CDYL2: variants seen among roughly 807,000 people sequenced by gnomAD.
CDYL2 encodes the protein chromodomain Y-like protein 2.
CDYL2 carries 23 observed loss-of-function variants against 49.4 expected under a neutral mutation model. The observed-to-expected ratio is 0.47, with a 90% confidence interval of 0.34 to 0.66. CDYL2 has a LOEUF of 0.66. Among genes scored for constraint, CDYL2 ranks in the 30% least tolerant of loss-of-function variants. The probability of loss-of-function intolerance (pLI) is 0.01; values close to 1 mark genes in which losing one functional copy is unlikely to be tolerated. For synonymous variants in CDYL2, 360 were observed against 268.8 expected, an observed-to-expected ratio of 1.34 and a Z score of -3.32; for missense variants, 678 against 656.4, an observed-to-expected ratio of 1.03 and a Z score of -0.36.
intron 1 of CDYL2, among the ~76,000 whole-genome samples, chr16:80,752,687 G>C (rs1388521709): frequency 1.3e-5 from 2 of 152,198 alleles, no homozygotes; most frequent in Non-Finnish European, 2.9e-5. Context: ...GAGTGAATTT[G>C]TCACCAACCA....
intron 2 of CDYL2, among the ~76,000 whole-genome samples, chr16:80,635,258 G>C (rs374682314): frequency 3.9e-5 from 6 of 152,122 alleles, no homozygotes; most frequent in East Asian, 3.8e-4. Flanking sequence ...CCAATAGAAA[G>C]GGACTTCCTA....
At chr16:80,645,732 A>T (rs1481647446) in intron 2 of CDYL2, among the ~76,000 whole-genome samples, 2 of 152,028 alleles carry the variant, frequency 1.3e-5, no homozygotes, top group Admixed American at 1.3e-4. Context: ...CTTGGAACCA[A>T]CCCAAATGTC....
intron 6 of CDYL2, among the ~76,000 whole-genome samples, chr16:80,605,983 CGCT>C (rs1906314147): frequency 6.6e-6 from 1 of 152,246 alleles, no homozygotes; most frequent in Non-Finnish European, 1.5e-5. Flanking sequence ...CCAACAGCCA[CGCT>C]GCTGCTGCCG....
At chr16:80,799,959 C>CT (rs1385659297) in intron 1 of CDYL2, among the ~76,000 whole-genome samples, 1 of 152,182 alleles carries the variant, frequency 6.6e-6, no homozygotes, top group Non-Finnish European at 1.5e-5. Context: ...ACATGTATTT[C>CT]TTTGACAGGA....
chr16:80,752,884 A>C (rs1906183668), intron 1 of CDYL2, among the ~76,000 whole-genome samples: 1 of 152,256 alleles, frequency 6.6e-6, no homozygotes, highest in Non-Finnish European at 1.5e-5. Flanking sequence ...TGACAAAACC[A>C]GAGGGAATTC....
chr16:80,667,012 C>T (rs1013403574), intron 2 of CDYL2, among the ~76,000 whole-genome samples: 14 of 152,242 alleles, frequency 9.2e-5, no homozygotes, highest in East Asian at 7.7e-4. Context: ...CACTACAAAC[C>T]GAGGTCAGTG....
At chr16:80,633,561 C>T (rs1361999448) in intron 2 of CDYL2, among the ~76,000 whole-genome samples, 1 of 152,232 alleles carries the variant, frequency 6.6e-6, no homozygotes, top group Admixed American at 6.5e-5. Context: ...CAGCCCTCTC[C>T]ACTGGTGGAT....
At chr16:80,707,593 G>C (rs1358832807) in intron 1 of CDYL2, among the ~76,000 whole-genome samples, 1 of 152,200 alleles carries the variant, frequency 6.6e-6, no homozygotes, top group African/African-American at 2.4e-5. Context: ...CATCAAATGG[G>C]TCAGAACATG....
intron 1 of CDYL2, among the ~76,000 whole-genome samples, chr16:80,794,587 C>T (rs1020944532): frequency 7.2e-5 from 10 of 139,122 alleles, no homozygotes; most frequent in African/African-American, 2.6e-4. Context: ...TTAATTATTA[C>T]ATTCCCAGTG....
At chr16:80,750,892 G>A (rs13339506) in intron 1 of CDYL2, among the ~76,000 whole-genome samples, 3 of 151,810 alleles carry the variant, frequency 2.0e-5, no homozygotes, top group African/African-American at 7.3e-5. Context: ...TGGTGGCGGG[G>A]GCCTGCACTC....
At chr16:80,666,893 T>C (rs1909286929) in intron 2 of CDYL2, among the ~76,000 whole-genome samples, 1 of 152,178 alleles carries the variant, frequency 6.6e-6, no homozygotes, top group Non-Finnish European at 1.5e-5. Context: ...GTGCCCAGCA[T>C]TGTTAGGTGT....
chr16:80,638,329 G>T (rs1907931736), intron 2 of CDYL2, among the ~76,000 whole-genome samples: 3 of 152,010 alleles, frequency 2.0e-5, no homozygotes, highest in Admixed American at 2.0e-4. Context: ...CCCACCTCAG[G>T]CTCCCAAAGT....
At chr16:80,620,682 C>T (rs544073149) in intron 4 of CDYL2, 81 bp downstream of exon 4, 13 of 1,317,140 alleles carry the variant, frequency 9.9e-6, no homozygotes, top group South Asian at 3.8e-5. Flanking sequence ...GTTTGAAATT[C>T]GAATTTAACT....
chr16:80,624,364 C>T (rs964759047), intron 3 of CDYL2, among the ~76,000 whole-genome samples: 1 of 152,138 alleles, frequency 6.6e-6, no homozygotes, highest in Non-Finnish European at 1.5e-5. Flanking sequence ...TCCATACCTG[C>T]CCTGTATGTG....
chr16:80,688,364 G>A (rs1910280995), intron 1 of CDYL2, among the ~76,000 whole-genome samples: 2 of 151,906 alleles, frequency 1.3e-5, no homozygotes, highest in African/African-American at 4.8e-5. Context: ...TATGACCTTG[G>A]GCATGTCACC....
chr16:80,742,494 A>T (rs1000457818), intron 1 of CDYL2, among the ~76,000 whole-genome samples: 39 of 151,242 alleles, frequency 2.6e-4, no homozygotes, highest in Non-Finnish European at 2.9e-5. Context: ...GGATGGATGG[A>T]TGAATAGATG....
At chr16:80,733,190 G>GTT (rs1905393748) in intron 1 of CDYL2, among the ~76,000 whole-genome samples, 1 of 152,202 alleles carries the variant, frequency 6.6e-6, no homozygotes, top group Non-Finnish European at 1.5e-5. Flanking sequence ...AGGAGACAAA[G>GTT]AAGTTGGATT....
intron 6 of CDYL2, among the ~76,000 whole-genome samples, chr16:80,605,966 G>A (rs1156498340): frequency 1.3e-5 from 2 of 152,240 alleles, no homozygotes. Flanking sequence ...ACCTGGTCTG[G>A]CTGATTCCAA....
At chr16:80,689,089 A>AATGAATGC (rs1910311195) in intron 1 of CDYL2, among the ~76,000 whole-genome samples, 1 of 152,202 alleles carries the variant, frequency 6.6e-6, no homozygotes, top group African/African-American at 2.4e-5. Flanking sequence ...TGAATGAATG[A>AATGAATGC]ATGAATGACA....
Sources: gnomAD v4.1 joint callset for allele counts (sites outside exome capture counted in the v4.1 genomes callset) on GRCh38, gnomAD v4.1.1 for gene constraint, MANE v1.5 for transcripts, NCBI Gene and HGNC (gene_info 2026-07-23, HGNC 2026-07-21) for gene names.